The following MAP3K20 variants were observed in gnomAD, a reference collection of about 807,000 sequenced individuals.
MAP3K20 encodes the protein HCCS-4.
MAP3K20 carries 40 observed loss-of-function variants against 85.7 expected under a neutral mutation model. That is an observed-to-expected ratio of 0.47 (90% CI 0.36 to 0.61). The LOEUF is 0.61. Among genes scored for constraint, MAP3K20 ranks in the 20% least tolerant of loss-of-function variants. The probability of loss-of-function intolerance (pLI) is 0.00; values close to 1 mark genes in which losing one functional copy is unlikely to be tolerated. For synonymous variants in MAP3K20, 325 were observed against 327.7 expected (o/e 0.99, Z 0.09); for missense variants, 817 against 961.7 (o/e 0.85, Z 1.99).
At chr2:173,133,809 C>A (rs1688685102) in intron 2 of MAP3K20, among the ~76,000 whole-genome samples, 1 of 151,256 alleles carries the variant, frequency 6.6e-6, no homozygotes, top group Non-Finnish European at 1.5e-5. Flanking sequence ...ATGGTGAAAC[C>A]CCATCTCTAC....
intron 2 of MAP3K20, among the ~76,000 whole-genome samples, chr2:173,102,196 A>AT (rs1687657297): frequency 6.6e-6 from 1 of 152,210 alleles, no homozygotes; most frequent in African/African-American, 2.4e-5. Context: ...TAATGATCAC[A>AT]TCTCAACTTT....
At chr2:173,149,073 A>G (rs1307085241) in intron 2 of MAP3K20, among the ~76,000 whole-genome samples, 1 of 152,254 alleles carries the variant, frequency 6.6e-6, no homozygotes, top group Non-Finnish European at 1.5e-5. Context: ...ATCACAATGT[A>G]GGATAGGTAG....
At chr2:173,102,872 G>A (rs80153106) in intron 2 of MAP3K20, among the ~76,000 whole-genome samples, 9,720 of 151,920 alleles carry the variant, frequency 0.064, 939 homozygotes, top group East Asian at 0.53. Context: ...TCAGGAGTTC[G>A]AGACCAGCCT....
At chr2:173,217,846 C>G (rs913269083) in intron 11 of MAP3K20, among the ~76,000 whole-genome samples, 1 of 152,100 alleles carries the variant, frequency 6.6e-6, no homozygotes, top group Non-Finnish European at 1.5e-5. Context: ...TTGTTTTCTC[C>G]CAAGTCTTGT....
chr2:173,082,876 G>A (rs1687049917), intron 1 of MAP3K20, among the ~76,000 whole-genome samples: 1 of 152,330 alleles, frequency 6.6e-6, no homozygotes. Flanking sequence ...TTTCCACGCA[G>A]CATTTCTGTG....
chr2:173,148,318 G>A (rs1197208749), intron 2 of MAP3K20, among the ~76,000 whole-genome samples: 2 of 152,142 alleles, frequency 1.3e-5, no homozygotes, highest in Non-Finnish European at 2.9e-5. Flanking sequence ...TTGCTCTTGG[G>A]TTAGAAAACC....
In MAP3K20 at chr2:173,266,369, A is replaced by C. The variant is rs369438069; in HGVS notation, c.2022A>C (p.Ser674=). ...TDTSSERGRY[S]DRSRNKYGRG... is the part of the protein sequence containing the mutation. ...CCTCTTCAGAGAGGGGTCGATACTC[A>C]GACAGAAGCAGGAACAAATATGGAC... Residue 674 remains serine (S), a synonymous_variant, in exon 20 of 20, where the codon TCA becomes TCC. Coordinates refer to ENST00000375213, the MANE Select transcript of MAP3K20 (RefSeq NM_016653.3). The C allele has an allele frequency of 3.7e-6, 6 of 1,614,034 alleles. No individual in the cohort carries two copies. Among genetic ancestry groups the C allele is most frequent in the Non-Finnish European group, 3.4e-6 (4 of 1,180,020 alleles).
At chr2:173,257,694 A>C (rs1685191625) in intron 16 of MAP3K20, among the ~76,000 whole-genome samples, 1 of 152,154 alleles carries the variant, frequency 6.6e-6, no homozygotes, top group African/African-American at 2.4e-5. Context: ...GGGTCATAGA[A>C]TAGGCATATA....
chr2:173,234,696 G>A (rs1430767914), intron 14 of MAP3K20, among the ~76,000 whole-genome samples: 7 of 152,284 alleles, frequency 4.6e-5, no homozygotes, highest in South Asian at 4.1e-4. Flanking sequence ...GAGGAGTCCC[G>A]ACCTACGTAG....
At chr2:173,255,602 C>T (rs1006126813) in intron 16 of MAP3K20, among the ~76,000 whole-genome samples, 20 of 152,144 alleles carry the variant, frequency 1.3e-4, no homozygotes, top group African/African-American at 4.6e-4. Context: ...TCCTGTCAGC[C>T]GCTTCTTCAC....
At chr2:173,219,823 C>CT (rs1287796446) in intron 11 of MAP3K20, among the ~76,000 whole-genome samples, 1 of 152,098 alleles carries the variant, frequency 6.6e-6, no homozygotes, top group African/African-American at 2.4e-5. Flanking sequence ...AAACCCAGCA[C>CT]TTTGGGAGGC....
At chr2:173,095,145 G>T (rs1192187278) in intron 2 of MAP3K20, among the ~76,000 whole-genome samples, 2 of 152,166 alleles carry the variant, frequency 1.3e-5, no homozygotes, top group Non-Finnish European at 1.5e-5. Context: ...ATCCATTAGT[G>T]TTATTCATTT....
chr2:173,229,760 T>C (rs760754475), intron 12 of MAP3K20, 27 bp downstream of exon 12: 1 of 1,613,466 alleles, frequency 6.2e-7, no homozygotes, highest in Admixed American at 1.7e-5. Flanking sequence ...CATGCCTTAT[T>C]TGACTTGAGC....
chr2:173,185,215 T>A (rs555252157), intron 4 of MAP3K20, among the ~76,000 whole-genome samples: 1 of 152,194 alleles, frequency 6.6e-6, no homozygotes, highest in African/African-American at 2.4e-5. Context: ...CACTCCAGCC[T>A]GGGCGACCGA....
intron 7 of MAP3K20, 146 bp downstream of exon 7, chr2:173,191,323 C>T (rs995153019): frequency 2.6e-5 from 30 of 1,146,680 alleles, no homozygotes; most frequent in Middle Eastern, 5.7e-4. Context: ...TTGGAGAACG[C>T]TTCCTAGTTG....
rs368950216 is a variant in MAP3K20, at chr2:173,266,250, A to C, written c.1903A>C (p.Ser635Arg). The change falls in exon 20 of 20, where the codon AGC becomes CGC. Residue 635 changes from serine (S) to arginine (R), a missense_variant. Physicochemically the swap from Ser to Arg is moderately radical, Grantham distance 110 (BLOSUM62 -1). Coordinates refer to ENST00000375213, the MANE Select transcript of MAP3K20 (RefSeq NM_016653.3). ...QQITPVNQSR[S>R]SSPTQYGLTK... ...GATTACACCTGTGAACCAGTCCAGAAGCTCGTCTCCTACTCAGTATGGACT... is the reference window on the plus strand; with the variant it reads ...GATTACACCTGTGAACCAGTCCAGACGCTCGTCTCCTACTCAGTATGGACT... 3.2e-5 allele frequency: 52 copies of C among 1,613,980 alleles called. No homozygotes were observed. Among genetic ancestry groups the C allele is most frequent in the South Asian group, 5.5e-5 (5 of 91,088 alleles).
At position 173,091,530 on chromosome 2, in the gene MAP3K20, C is replaced by T. The variant is rs141843703; in HGVS notation, c.159+340C>T. Among the ~76,000 whole-genome samples, 684 of 152,174 alleles carry T rather than the reference C, an allele frequency of 4.5e-3. 7 individuals are homozygous for T. Among genetic ancestry groups the T allele is most frequent in the African/African-American group, 0.014 (592 of 41,520 alleles). ...TCTTCCCTGGGCAGCCAAGAGGGGT[C>T]GGTAAAGAGTAATGTGTGAAGTTTT... is the stretch of plus-strand genomic sequence containing the variant. On this transcript the variant is annotated intron_variant, in intron 2 of 19. Coordinates refer to ENST00000375213, the MANE Select transcript of MAP3K20 (RefSeq NM_016653.3).
intron 1 of MAP3K20, among the ~76,000 whole-genome samples, chr2:173,083,129 A>G (rs891943463): frequency 3.9e-5 from 6 of 152,192 alleles, no homozygotes; most frequent in Non-Finnish European, 7.4e-5. Context: ...AGATAGAGGA[A>G]GGGGGAAAAT....
intron 11 of MAP3K20, among the ~76,000 whole-genome samples, chr2:173,228,869 A>G (rs4972538): frequency 0.89 from 135,313 of 152,256 alleles, 60,915 homozygotes; most frequent in Middle Eastern, 0.97. Context: ...GATGAGTGAC[A>G]ATTTGCCATA....
Sources: allele counts gnomAD v4.1 joint callset (sites outside exome capture counted in the v4.1 genomes callset), GRCh38; gene constraint gnomAD v4.1.1; transcripts MANE v1.5; gene names NCBI Gene and HGNC (gene_info 2026-07-23, HGNC 2026-07-21).